IGF1: variants seen among roughly 807,000 people sequenced by gnomAD.
IGF1 encodes the protein insulin like growth factor 1.
A neutral mutation model predicts 13.8 loss-of-function variants in IGF1; 4 were observed. The ratio of observed to expected loss-of-function variants is 0.29; its 90% confidence interval spans 0.14 to 0.66. IGF1 has a LOEUF of 0.66. IGF1 is among the 30% of genes least tolerant of loss of function. IGF1 has a pLI of 0.78. For synonymous variants in IGF1, 76 were observed against 72.6 expected, an observed-to-expected ratio of 1.05 and a Z score of -0.23; for missense variants, 124 against 188.5, an observed-to-expected ratio of 0.66 and a Z score of 2.00.
At chr12:102,440,859 T>G (rs1160797485) in intron 2 of IGF1, among the ~76,000 whole-genome samples, 2 of 152,192 alleles carry the variant, frequency 1.3e-5, no homozygotes, top group Non-Finnish European at 2.9e-5. Flanking sequence ...AAATTTTAGC[T>G]ACAAAAATAA....
At chr12:102,429,434 GT>G (rs1381149520) in intron 2 of IGF1, among the ~76,000 whole-genome samples, 1 of 152,066 alleles carries the variant, frequency 6.6e-6, no homozygotes, top group Non-Finnish European at 1.5e-5. Flanking sequence ...CACTGAGCCT[GT>G]TTTTTAGCCA....
intron 2 of IGF1, among the ~76,000 whole-genome samples, chr12:102,429,260 T>C (rs1876518585): frequency 6.6e-6 from 1 of 152,216 alleles, no homozygotes; most frequent in Admixed American, 6.5e-5. Context: ...ATTTTGCTGC[T>C]ATTATTTCTT....
At chr12:102,415,796 G>T (rs1875090818) in intron 3 of IGF1, 1 of 152,228 alleles carries the variant, frequency 6.6e-6, no homozygotes, top group Non-Finnish European at 1.5e-5. Context: ...GGTGATGGTT[G>T]TAGTAGGAAT....
At chr12:102,438,610 G>C (rs1169128874) in intron 2 of IGF1, among the ~76,000 whole-genome samples, 1 of 152,000 alleles carries the variant, frequency 6.6e-6, no homozygotes. Flanking sequence ...AGGAACAAAG[G>C]CGCCTGTATA....
At chr12:102,442,132 A>G (rs768379157) in intron 2 of IGF1, among the ~76,000 whole-genome samples, 6 of 150,388 alleles carry the variant, frequency 4.0e-5, no homozygotes, top group Non-Finnish European at 8.9e-5. Flanking sequence ...GATTATTTGT[A>G]GAGACAGGGT....
Position 102,468,494 on chromosome 12 carries a change from G to A in IGF1, c.220+7149C>T, listed in dbSNP as rs183945822. ...GCTTCTTTAAGTGGCTTTAGCCAAT[G>A]TGAGACTAAACAATGCATTAAATAG... On this transcript the variant is annotated intron_variant, in intron 2 of 3. Coordinates refer to ENST00000337514, the MANE Select transcript of IGF1 (RefSeq NM_000618.5). Among the ~76,000 whole-genome samples the A allele has an allele frequency of 2.2e-4, 34 of 152,382 alleles. No homozygotes were observed. The East Asian group carries it at 6.4e-3, about 28-fold the overall frequency.
intron 2 of IGF1, among the ~76,000 whole-genome samples, chr12:102,454,761 A>G (rs1237569132): frequency 1.3e-5 from 2 of 152,260 alleles, no homozygotes; most frequent in Non-Finnish European, 1.5e-5. Context: ...CTGCAGATCC[A>G]GGCTGTTGGA....
intron 3 of IGF1, among the ~76,000 whole-genome samples, chr12:102,406,450 G>A (rs1164561386): frequency 6.6e-6 from 1 of 152,160 alleles, no homozygotes; most frequent in Non-Finnish European, 1.5e-5. Context: ...AGCTGAAACT[G>A]TTTCTAGTAT....
chr12:102,471,710 C>G (rs560033670), intron 2 of IGF1, among the ~76,000 whole-genome samples: 5 of 152,202 alleles, frequency 3.3e-5, no homozygotes, highest in African/African-American at 1.2e-4. Flanking sequence ...TTCCCCAGAC[C>G]GCCAAGGTAA....
At chr12:102,402,652 G>A (rs2136940731) in intron 3 of IGF1, 86 bp from the exon 4 acceptor site, 2 of 770,542 alleles carry the variant, frequency 2.6e-6, no homozygotes, top group Non-Finnish European at 4.8e-6. Flanking sequence ...AACCTTCCAT[G>A]TCTTACGCCT....
At chr12:102,454,761 AG>A (rs1565995311) in intron 2 of IGF1, among the ~76,000 whole-genome samples, 1 of 152,260 alleles carries the variant, frequency 6.6e-6, no homozygotes, top group Non-Finnish European at 1.5e-5. Context: ...CTGCAGATCC[AG>A]GCTGTTGGAT....
intron 2 of IGF1, among the ~76,000 whole-genome samples, chr12:102,442,241 A>T (rs1877929498): frequency 6.6e-6 from 1 of 151,930 alleles, no homozygotes; most frequent in Non-Finnish European, 1.5e-5. Flanking sequence ...GAGCCACTGC[A>T]TCTGGCAACA....
chr12:102,406,505 C>T (rs1044151336), intron 3 of IGF1, among the ~76,000 whole-genome samples: 1 of 152,166 alleles, frequency 6.6e-6, no homozygotes, highest in Non-Finnish European at 1.5e-5. Context: ...TGAGTAAATA[C>T]TGTTTCCTAT....
intron 2 of IGF1, among the ~76,000 whole-genome samples, chr12:102,456,221 GGTGTGTGTGTGTGTGTGTGTGT>G (rs59075811): frequency 2.1e-5 from 3 of 140,276 alleles, no homozygotes; most frequent in African/African-American, 7.9e-5. Context: ...ATTTAAAAAA[GGTGTGTGTGTGTGTGTGTGTGT>G]GTGTGTGTGT....
intron 2 of IGF1, among the ~76,000 whole-genome samples, chr12:102,441,550 T>C (rs1291734398): frequency 1.3e-5 from 2 of 152,152 alleles, no homozygotes; most frequent in Non-Finnish European, 2.9e-5. Context: ...AAGCAGGCTA[T>C]AGAGTGAAAT....
intron 2 of IGF1, among the ~76,000 whole-genome samples, chr12:102,441,957 T>TCTTCTTCTTCTTCTTCTTC (rs71438463): frequency 5.9e-4 from 80 of 134,588 alleles, no homozygotes; most frequent in East Asian, 1.5e-3. Flanking sequence ...TTCTTCTTCT[T>TCTTCTTCTTCTTCTTCTTC]TTTTTTTTTT....
At chr12:102,471,639 T>C (rs1445718460) in intron 2 of IGF1, among the ~76,000 whole-genome samples, 1 of 152,214 alleles carries the variant, frequency 6.6e-6, no homozygotes, top group Non-Finnish European at 1.5e-5. Flanking sequence ...ACAAAAGCTA[T>C]AAATCCTGAA....
chr12:102,440,901 G>C (rs930682400), intron 2 of IGF1, among the ~76,000 whole-genome samples: 1 of 152,164 alleles, frequency 6.6e-6, no homozygotes, highest in East Asian at 1.9e-4. Flanking sequence ...CTGGTCTAAA[G>C]GAATGAGTTT....
upstream of IGF1, among the ~76,000 whole-genome samples, chr12:102,480,837 CT>C (rs1373152928): frequency 2.0e-5 from 3 of 152,164 alleles, no homozygotes; most frequent in African/African-American, 7.2e-5. Flanking sequence ...GATCTGTTTT[CT>C]GATTAACTTT....
Sources: allele counts gnomAD v4.1 joint callset (sites outside exome capture counted in the v4.1 genomes callset), GRCh38; gene constraint gnomAD v4.1.1; transcripts MANE v1.5; gene names NCBI Gene and HGNC (gene_info 2026-07-23, HGNC 2026-07-21).